Variants in THSD7B observed in about 807,000 individuals in gnomAD.
THSD7B encodes the protein thrombospondin type 1 domain containing 7B.
In THSD7B, 138 loss-of-function variants were observed where a neutral mutation model predicts 213.6. The ratio of observed to expected loss-of-function variants is 0.65; its 90% CI spans 0.56 to 0.74. The LOEUF (loss-of-function observed/expected upper bound fraction) is 0.74. Among genes scored for constraint, THSD7B ranks in the 30% least tolerant of loss-of-function variants. THSD7B has a pLI of 0.00. For missense variants in THSD7B, 1,931 were observed against 1,991.5 expected (o/e 0.97, Z 0.58); for synonymous variants, 742 against 687.0 (o/e 1.08, Z -1.25).
intron 12 of THSD7B, among the ~76,000 whole-genome samples, chr2:137,298,641 G>C (rs1274539221): frequency 6.6e-6 from 1 of 152,124 alleles, no homozygotes; most frequent in Non-Finnish European, 1.5e-5. Flanking sequence ...TGCAGCTTAG[G>C]GACTTAGTGC....
intron 10 of THSD7B, among the ~76,000 whole-genome samples, chr2:137,258,087 C>T (rs1195984672): frequency 6.6e-6 from 1 of 152,112 alleles, no homozygotes; most frequent in Non-Finnish European, 1.5e-5. Flanking sequence ...TTATAGTCTC[C>T]ATATTAAACT....
At chr2:137,395,397 T>C (rs1054289223) in intron 12 of THSD7B, among the ~76,000 whole-genome samples, 3 of 149,974 alleles carry the variant, frequency 2.0e-5, no homozygotes, top group Admixed American at 1.3e-4. Flanking sequence ...TGTCAAAGGC[T>C]TTTTCTGCAT....
chr2:137,261,533 G>A (rs1682450507), intron 10 of THSD7B, among the ~76,000 whole-genome samples: 1 of 152,058 alleles, frequency 6.6e-6, no homozygotes. Flanking sequence ...CACAGACCTT[G>A]GGCTCCAGGT....
rs568954000 is a variant in THSD7B, at chr2:136,929,311, T to C, written c.139+46994T>C. ...TTATTTAATTTAGTTTTGAGACACT[T>C]ATCACTCTAAATCAGAGATTGTTTC... is the stretch of plus-strand genomic sequence containing the variant. On this transcript the variant is annotated intron_variant, in intron 2 of 27. Coordinates refer to ENST00000409968, the MANE Select transcript of THSD7B (RefSeq NM_001316349.2). 2.9e-4 allele frequency among the ~76,000 whole-genome samples: 44 copies of C among 152,360 alleles called. No individual in the cohort carries two copies. In the South Asian group the frequency reaches 5.6e-3, roughly 19 times the overall value.
In THSD7B at chr2:137,659,663, G is replaced by A. The variant is rs1259532142; in HGVS notation, c.4376-1G>A. On this transcript the variant is annotated splice_acceptor_variant, in intron 24 of 27. Coordinates refer to ENST00000409968, the MANE Select transcript of THSD7B (RefSeq NM_001316349.2). LOFTEE classifies it high-confidence loss of function. ...AAATGATGGTGGAATTTCCTTTGCA[G>A]GAGGCTGCTCCCCTCAGGCCCGTCC... The A allele has an allele frequency of 1.9e-6, 3 of 1,593,860 alleles. No individual in the cohort carries two copies. Among genetic ancestry groups the A allele is most frequent in the Non-Finnish European group, 2.6e-6 (3 of 1,170,422 alleles).
At chr2:137,541,629 T>C (rs549899194) in intron 15 of THSD7B, among the ~76,000 whole-genome samples, 1 of 151,832 alleles carries the variant, frequency 6.6e-6, no homozygotes. Context: ...TACAGAACAC[T>C]GCATGTCCAG....
At chr2:137,499,961 C>T (rs1431166198) in intron 15 of THSD7B, among the ~76,000 whole-genome samples, 1 of 152,120 alleles carries the variant, frequency 6.6e-6, no homozygotes, top group Non-Finnish European at 1.5e-5. Context: ...AAATATTCTA[C>T]ATTAAAAGGA....
At chr2:137,665,346 A>G (rs942740709) in intron 26 of THSD7B, among the ~76,000 whole-genome samples, 3 of 152,134 alleles carry the variant, frequency 2.0e-5, no homozygotes, top group Admixed American at 6.5e-5. Context: ...CAGCAATATC[A>G]TATGTGTGAG....
intron 12 of THSD7B, among the ~76,000 whole-genome samples, chr2:137,295,001 A>G (rs1390785779): frequency 6.6e-6 from 1 of 152,114 alleles, no homozygotes; most frequent in Non-Finnish European, 1.5e-5. Context: ...GTACCTATCC[A>G]TGTACCAGTA....
intron 7 of THSD7B, among the ~76,000 whole-genome samples, chr2:137,192,000 T>A (rs1403970563): frequency 6.6e-6 from 1 of 152,172 alleles, no homozygotes; most frequent in Non-Finnish European, 1.5e-5. Context: ...AAGATGAATA[T>A]ACCAATAACT....
intron 2 of THSD7B, among the ~76,000 whole-genome samples, chr2:137,022,473 G>A (rs10169205): frequency 0.071 from 10,746 of 151,948 alleles, 409 homozygotes; most frequent in East Asian, 0.14. Flanking sequence ...TGAAAATTTA[G>A]CATCCAAAAT....
At chr2:136,852,270 C>A (rs1402893342) in intron 1 of THSD7B, among the ~76,000 whole-genome samples, 1 of 151,734 alleles carries the variant, frequency 6.6e-6, no homozygotes, top group East Asian at 1.9e-4. Flanking sequence ...AGACTTGTTT[C>A]TAGAAGGTAA....
intron 2 of THSD7B, among the ~76,000 whole-genome samples, chr2:136,966,243 G>A (rs1337242010): frequency 6.6e-6 from 1 of 151,304 alleles, no homozygotes; most frequent in Non-Finnish European, 1.5e-5. Flanking sequence ...TTTGAGACAG[G>A]GTTTCAGTCT....
At chr2:137,158,608 G>T (rs554596248) in intron 5 of THSD7B, among the ~76,000 whole-genome samples, 1 of 152,128 alleles carries the variant, frequency 6.6e-6, no homozygotes, top group Admixed American at 6.5e-5. Flanking sequence ...AGCAGCTCAG[G>T]TTGCCTCATT....
chr2:137,519,688 G>A (rs962902097), intron 15 of THSD7B, among the ~76,000 whole-genome samples: 1 of 152,150 alleles, frequency 6.6e-6, no homozygotes, highest in Non-Finnish European at 1.5e-5. Context: ...ACAAGTCTGG[G>A]GCTGAGGCTT....
chr2:137,517,826 C>T (rs1381649153), intron 15 of THSD7B, among the ~76,000 whole-genome samples: 3 of 152,158 alleles, frequency 2.0e-5, no homozygotes, highest in Non-Finnish European at 4.4e-5. Context: ...TGGAGCAAGG[C>T]CCTGCCATCT....
At chr2:136,770,888 T>G (rs1470577380) in intron 1 of THSD7B, among the ~76,000 whole-genome samples, 1 of 152,140 alleles carries the variant, frequency 6.6e-6, no homozygotes, top group Non-Finnish European at 1.5e-5. Flanking sequence ...ATCTGAGTTA[T>G]CAATTCATAT....
chr2:137,192,385 T>A (rs1224038872), intron 7 of THSD7B, among the ~76,000 whole-genome samples: 1 of 152,156 alleles, frequency 6.6e-6, no homozygotes, highest in Non-Finnish European at 1.5e-5. Flanking sequence ...TGAAGTGATA[T>A]TCATGATCAA....
chr2:137,086,844 A>G (rs1156813575), intron 3 of THSD7B, among the ~76,000 whole-genome samples: 1 of 152,176 alleles, frequency 6.6e-6, no homozygotes, highest in Non-Finnish European at 1.5e-5. Context: ...ATTTGACAAT[A>G]CTTTATGTAT....
Sources: gnomAD v4.1 joint callset for allele counts (sites outside exome capture counted in the v4.1 genomes callset) on GRCh38, gnomAD v4.1.1 for gene constraint, MANE v1.5 for transcripts, NCBI Gene and HGNC (gene_info 2026-07-23, HGNC 2026-07-21) for gene names.